PEX1: variants seen among roughly 807,000 people sequenced by gnomAD.
PEX1 encodes peroxisomal biogenesis factor 1, also known as peroxisomal ATPase PEX1.
Under a neutral mutation model 152.5 loss-of-function variants are expected in PEX1, and 97 were observed. That is an observed-to-expected ratio of 0.64 (90% CI 0.54 to 0.75). PEX1 has a LOEUF of 0.75. Ranked by LOEUF, PEX1 falls within the 30% of genes least tolerant of loss-of-function variation. The pLI is 0.00. For missense variants in PEX1, 1,357 were observed against 1,516.3 expected, an observed-to-expected ratio of 0.89 and a Z score of 1.74; for synonymous variants, 485 against 531.6, an observed-to-expected ratio of 0.91 and a Z score of 1.21.
chr7:92,487,727 C>T (rs1001006189), intron 23 of PEX1, among the ~76,000 whole-genome samples, 186 bp from the exon 24 acceptor site: 7 of 151,770 alleles, frequency 4.6e-5, no homozygotes, highest in South Asian at 4.2e-4. Context: ...CAATAGAAAA[C>T]GGAGCAAAGG....
At position 92,510,937 on chromosome 7, in the gene PEX1, CTAT is replaced by C; in HGVS notation, c.1587+4_1587+6del. 7.8e-7 allele frequency: 1 copy of C among 1,283,924 alleles called. No homozygotes were observed. The highest frequency in any genetic ancestry group is 1.1e-6 in the Non-Finnish European group (1 of 881,752). The allele number at this position is 1,283,924 out of a possible 1,614,324, so 79.5% of individuals were successfully genotyped here. The stretch of plus-strand genomic sequence containing the variant: ...ATTTTATTAAATATTCAATAACATG[CTAT>C]TACTTGTATTGTAGTCTTCTGCAGC... On this transcript the variant is annotated splice_donor_5th_base_variant and intron_variant, in intron 8 of 23. Coordinates refer to ENST00000248633, the MANE Select transcript of PEX1 (RefSeq NM_000466.3).
chr7:92,519,731 A>G (rs567537138), intron 2 of PEX1, among the ~76,000 whole-genome samples: 6 of 152,338 alleles, frequency 3.9e-5, no homozygotes, highest in Non-Finnish European at 8.8e-5. Flanking sequence ...ATAATCCTTC[A>G]CAGTTGAAAG....
At chr7:92,512,833 G>T (rs956513821) in intron 6 of PEX1, among the ~76,000 whole-genome samples, 1 of 151,806 alleles carries the variant, frequency 6.6e-6, no homozygotes, top group Non-Finnish European at 1.5e-5. Context: ...GTCTTGCTAT[G>T]TTGCCCAGGC....
In PEX1 at chr7:92,519,056, T is replaced by A. The variant is rs1562868002; in HGVS notation, c.296A>T (p.His99Leu). 1.9e-6 allele frequency: 3 copies of A among 1,607,854 alleles called. No individual in the cohort carries two copies. The highest frequency in any genetic ancestry group is 2.6e-6 in the Non-Finnish European group (3 of 1,174,446). ...CTCAACTTGTTGACAAGATACCACA[T>A]GGGAACATGGCTTGAGAAATACCTA... ...GGQVFLKPCS[H>L]VVSCQQVEVE... Residue 99 changes from histidine (H) to leucine (L), a missense_variant, in exon 3 of 24, where the codon CAT (histidine) becomes CTT (leucine). Transcript: ENST00000248633.
rs765002579 is a variant in PEX1 at position 92,511,689 on chromosome 7, A to C, written c.1374T>G (p.Ser458Arg). The C allele has an allele frequency of 3.7e-6, 6 of 1,611,960 alleles. No individual in the cohort carries two copies. The highest frequency in any genetic ancestry group is 5.1e-6 in the Non-Finnish European group (6 of 1,178,916). The change falls in exon 7 of 24, where the codon AGT (serine) becomes AGG (arginine). Residue 458 changes from serine (S) to arginine (R), a missense_variant. Physicochemically the swap from Ser to Arg is moderately radical, Grantham distance 110 (BLOSUM62 -1). Coordinates refer to ENST00000248633, the MANE Select transcript of PEX1 (RefSeq NM_000466.3). ...QPRENLPKDI[S>R]EEDIKTVFYS... ...AAAATACAGTTTTTATGTCTTCTTCACTTATGTCTTTAGGCTGCCAGAAAA... is the reference window on the plus strand; with the variant it reads ...AAAATACAGTTTTTATGTCTTCTTCCCTTATGTCTTTAGGCTGCCAGAAAA...
Position 92,511,141 on chromosome 7 carries a change from CTT to C in PEX1, c.1484-96_1484-95del, listed in dbSNP as rs5885807. 50,136 of 598,256 alleles carry C rather than the reference CTT, an allele frequency of 0.084. 1,867 individuals carry two copies. The highest frequency in any genetic ancestry group is 0.086 in the Non-Finnish European group (29,511 of 343,214). The allele number at this position is 598,256 out of a possible 1,614,324, so 37.1% of individuals were successfully genotyped here. ...ATGTCAAATTTATTTAAGTTAAAGA[CTT>C]TTTTTTTTTTCCCCCCAACAGGGTC... On this transcript the variant is annotated intron_variant, in intron 7 of 23. Coordinates refer to ENST00000248633, the MANE Select transcript of PEX1 (RefSeq NM_000466.3).
At chr7:92,494,074 A>G in intron 19 of PEX1, 1 of 526,804 alleles carries the variant, frequency 1.9e-6, no homozygotes, top group South Asian at 2.1e-5. Context: ...CAATCAGCCA[A>G]CACAGAAGGA....
At position 92,489,835 on chromosome 7, in the gene PEX1, G is replaced by A. The variant is rs764658999; in HGVS notation, c.3515C>T (p.Ser1172Leu). The part of the protein sequence containing the change: ...PGVPGKDQLF[S>L]QPPVLRTASQ... ...AGCTGTCCTTAACACTGGAGGCTGT[G>A]AAAACAACTGGTCTTTCCCAGGAAC... Residue 1172 changes from serine to leucine, a missense_variant, in exon 22 of 24, where the codon TCA becomes TTA. By Grantham distance (145) the Ser-to-Leu change is moderately radical (BLOSUM62 -2). Transcript: ENST00000248633. 11 of 1,614,070 alleles carry A rather than the reference G, an allele frequency of 6.8e-6. No individual in the cohort carries two copies. The South Asian group carries it at 1.2e-4, about 18-fold the overall frequency.
intron 10 of PEX1, chr7:92,506,562 C>A: frequency 1.8e-6 from 1 of 564,968 alleles, no homozygotes; most frequent in East Asian, 3.0e-5. Flanking sequence ...AAACTGCAAA[C>A]TAATCACTTT....
rs61750426 is a variant in PEX1 at position 92,494,496 on chromosome 7, CT to C, written c.2916del (p.Gly973AlafsTer16). Reference protein sequence around the residue: ...NQLLTQLDGVEGLQGVYVLAA... With the variant: ...NQLLTQLDGVXGLQGVYVLAA... Reference sequence around the variant, plus strand: ...TATTTATAATTATTACCCTGTAAGCCTTCTACTCCATCCAACTGAGTCAGCA... The same window carrying C: ...TATTTATAATTATTACCCTGTAAGCCTCTACTCCATCCAACTGAGTCAGCA... On this transcript the variant is annotated frameshift_variant, in exon 18 of 24. Transcript: ENST00000248633. LOFTEE classifies it high-confidence loss of function. The C allele has an allele frequency of 1.2e-4, 186 of 1,613,618 alleles. No homozygotes were observed. The highest frequency in any genetic ancestry group is 1.5e-4 in the Non-Finnish European group (178 of 1,179,718).
chr7:92,526,668 A>T (rs992257603), intron 1 of PEX1, among the ~76,000 whole-genome samples: 2 of 152,220 alleles, frequency 1.3e-5, no homozygotes, highest in Non-Finnish European at 2.9e-5. Context: ...ATTATGGCAA[A>T]TTTGTGCTAG....
intron 5 of PEX1, among the ~76,000 whole-genome samples, chr7:92,515,195 ACTCT>A (rs202030302): frequency 0.025 from 3,761 of 150,924 alleles, 194 homozygotes; most frequent in African/African-American, 0.086. Context: ...AGACGACTTT[ACTCT>A]CTATTAACTT....
At chr7:92,525,220 T>C (rs534488465) in intron 1 of PEX1, among the ~76,000 whole-genome samples, 1 of 152,332 alleles carries the variant, frequency 6.6e-6, no homozygotes, top group African/African-American at 2.4e-5. Flanking sequence ...GAAAGGAGCG[T>C]CTTTTCCAGG....
At chr7:92,496,898 C>A in intron 16 of PEX1, 121 bp from the exon 17 acceptor site, 2 of 713,210 alleles carry the variant, frequency 2.8e-6, no homozygotes, top group South Asian at 3.2e-5. Context: ...GTCTTTTATA[C>A]ATTTTTAAAA....
chr7:92,516,060 G>GAGAA (rs1562864877), intron 5 of PEX1, among the ~76,000 whole-genome samples: 1,386 of 51,294 alleles, frequency 0.027, 10 homozygotes, highest in East Asian at 0.075. Context: ...AGAGAAAAAA[G>GAGAA]AAAAGAAAAG....
At chr7:92,508,469 C>T (rs548496786) in intron 9 of PEX1, among the ~76,000 whole-genome samples, 5 of 150,958 alleles carry the variant, frequency 3.3e-5, no homozygotes, top group African/African-American at 7.3e-5. Context: ...ACCCAGGAGG[C>T]GGAGGTTGCA....
intron 2 of PEX1, among the ~76,000 whole-genome samples, chr7:92,519,717 A>G (rs1792970649): frequency 6.6e-6 from 1 of 152,206 alleles, no homozygotes; most frequent in Non-Finnish European, 1.5e-5. Flanking sequence ...AAATATTGAG[A>G]AGTATAATCC....
At chr7:92,488,351 G>A (rs1309748030) in intron 23 of PEX1, among the ~76,000 whole-genome samples, 4 of 151,984 alleles carry the variant, frequency 2.6e-5, no homozygotes, top group East Asian at 3.9e-4. Flanking sequence ...TAGCACTAAC[G>A]TATGTACACA....
Position 92,496,569 on chromosome 7 carries a change from G to A in PEX1, c.2783+144C>T, listed in dbSNP as rs912854146. ...GTTTTGTATTATTTGATGAAATAGA[G>A]AATCCACGTCCTCTAGCTTATTAAT... is the stretch of plus-strand genomic sequence containing the variant. On this transcript the variant is annotated intron_variant, in intron 17 of 23. Coordinates refer to ENST00000248633, the MANE Select transcript of PEX1 (RefSeq NM_000466.3). The A allele has an allele frequency of 1.6e-5, 11 of 690,046 alleles. No individual in the cohort carries two copies. The African/African-American group carries it at 1.6e-4, about 10-fold the overall frequency. The allele number at this position is 690,046 out of a possible 1,614,324, so 42.7% of individuals were successfully genotyped here. A position where few individuals can be genotyped will look rare whatever the true frequency, so the allele number is the denominator to read the frequency against.
Sources: allele counts gnomAD v4.1 joint callset (sites outside exome capture counted in the v4.1 genomes callset), GRCh38; gene constraint gnomAD v4.1.1; transcripts MANE v1.5; gene names NCBI Gene and HGNC (gene_info 2026-07-23, HGNC 2026-07-21).